TENM2: variants seen among roughly 807,000 people sequenced by gnomAD.
TENM2 encodes the protein teneurin-2.
In TENM2, 52 loss-of-function variants were observed where a neutral mutation model predicts 245.2. The observed-to-expected ratio is 0.21, with a 90% CI of 0.17 to 0.27. TENM2 has a LOEUF of 0.27. Ranked by LOEUF, TENM2 falls within the 10% of genes least tolerant of loss-of-function variation. TENM2 has a pLI of 1.00. For synonymous variants in TENM2, 1,363 were observed against 1,438.9 expected, an observed-to-expected ratio of 0.95 and a Z score of 1.19; for missense variants, 3,046 against 3,666.8, an observed-to-expected ratio of 0.83 and a Z score of 4.37.
intron 1 of TENM2, among the ~76,000 whole-genome samples, chr5:167,316,090 C>T (rs1415028893): frequency 6.6e-6 from 1 of 152,140 alleles, no homozygotes. Flanking sequence ...ATTCCATTCA[C>T]TCCCTGTTCT....
intron 1 of TENM2, among the ~76,000 whole-genome samples, chr5:167,291,515 A>G (rs1754634385): frequency 6.6e-6 from 1 of 152,202 alleles, no homozygotes; most frequent in Non-Finnish European, 1.5e-5. Context: ...ACATCACTGG[A>G]AAGAGTCCCT....
At chr5:167,632,203 G>A (rs933461073) in intron 2 of TENM2, among the ~76,000 whole-genome samples, 1 of 152,146 alleles carries the variant, frequency 6.6e-6, no homozygotes, top group Admixed American at 6.5e-5. Flanking sequence ...GCTTCCTGTT[G>A]AGTTGGGCTT....
intron 2 of TENM2, among the ~76,000 whole-genome samples, chr5:167,813,377 T>G (rs1766787035): frequency 6.8e-6 from 1 of 146,212 alleles, no homozygotes; most frequent in South Asian, 2.1e-4. Context: ...CTGAAGAGCT[T>G]ACAAGTTCTG....
intron 3 of TENM2, among the ~76,000 whole-genome samples, chr5:167,887,440 G>A (rs2151440746): frequency 6.6e-6 from 1 of 152,256 alleles, no homozygotes; most frequent in South Asian, 2.1e-4. Flanking sequence ...TTCAGATTTG[G>A]GCCTGTTGAC....
At chr5:167,896,058 A>G (rs1254353764) in intron 3 of TENM2, among the ~76,000 whole-genome samples, 1 of 152,240 alleles carries the variant, frequency 6.6e-6, no homozygotes, top group Non-Finnish European at 1.5e-5. Context: ...AAAAGCAAAC[A>G]GATGGTTGTG....
intron 18 of TENM2, 130 bp from the exon 21 acceptor site, chr5:168,204,242 T>A (rs1240423735): frequency 4.0e-6 from 4 of 990,252 alleles, no homozygotes; most frequent in Non-Finnish European, 5.8e-6. Context: ...CTCCACATTG[T>A]GAAGAAGTTG....
chr5:168,095,229 A>C (rs1793266440), intron 8 of TENM2, among the ~76,000 whole-genome samples: 1 of 152,148 alleles, frequency 6.6e-6, no homozygotes, highest in African/African-American at 2.4e-5. Flanking sequence ...CCCTGGTGGC[A>C]AAAAGGTTGG....
chr5:167,084,709 A>C, the TENM2 span, among the ~76,000 whole-genome samples: 1 of 152,028 alleles, frequency 6.6e-6, no homozygotes. Flanking sequence ...ATTTTCTGGC[A>C]CAACTCAGGG....
At chr5:168,082,050 T>C (rs1406637404) in intron 7 of TENM2, among the ~76,000 whole-genome samples, 2 of 152,224 alleles carry the variant, frequency 1.3e-5, no homozygotes, top group Non-Finnish European at 2.9e-5. Context: ...CCATTCTGCC[T>C]GTCACTTTCA....
intron 5 of TENM2, among the ~76,000 whole-genome samples, chr5:168,038,191 C>G (rs1254078549): frequency 6.6e-6 from 1 of 152,178 alleles, no homozygotes; most frequent in Admixed American, 6.5e-5. Flanking sequence ...CATTATATAT[C>G]TCATAAAATT....
the TENM2 span, among the ~76,000 whole-genome samples, chr5:167,129,479 T>C: frequency 6.6e-6 from 1 of 152,112 alleles, no homozygotes; most frequent in Non-Finnish European, 1.5e-5. Flanking sequence ...GCTGGAGTAA[T>C]CATGGAGGAA....
At chr5:167,035,619 A>C in the TENM2 span, among the ~76,000 whole-genome samples, 1 of 152,218 alleles carries the variant, frequency 6.6e-6, no homozygotes, top group African/African-American at 2.4e-5. Context: ...AAATGCTGTT[A>C]TTGAAGCTCA....
At chr5:168,253,595 G>T (rs913327359) in intron 27 of TENM2, among the ~76,000 whole-genome samples, 2 of 151,060 alleles carry the variant, frequency 1.3e-5, no homozygotes, top group South Asian at 2.1e-4. Context: ...CCGGCTAATT[G>T]TTTGTATTTT....
chr5:167,747,137 C>T (rs2150624092), intron 2 of TENM2, among the ~76,000 whole-genome samples: 1 of 152,250 alleles, frequency 6.6e-6, no homozygotes, highest in African/African-American at 2.4e-5. Context: ...TGATATTTAG[C>T]TTTGCATTAA....
intron 5 of TENM2, among the ~76,000 whole-genome samples, chr5:168,027,766 A>G (rs925834308): frequency 2.0e-5 from 3 of 152,148 alleles, no homozygotes; most frequent in Admixed American, 2.0e-4. Flanking sequence ...ATACATCTCT[A>G]TATATGTTTT....
intron 2 of TENM2, among the ~76,000 whole-genome samples, chr5:167,514,485 G>T (rs1235926352): frequency 2.0e-5 from 3 of 152,186 alleles, no homozygotes; most frequent in Admixed American, 1.3e-4. Context: ...GTCTTTCATG[G>T]TTCGAAACTT....
At chr5:168,070,496 T>G (rs149850620) in intron 7 of TENM2, among the ~76,000 whole-genome samples, 3 of 152,116 alleles carry the variant, frequency 2.0e-5, no homozygotes, top group African/African-American at 7.2e-5. Context: ...GAAAGTAAAC[T>G]TTAGGCCAGC....
chr5:167,123,725 C>T, the TENM2 span, among the ~76,000 whole-genome samples: 2 of 152,120 alleles, frequency 1.3e-5, no homozygotes, highest in African/African-American at 4.8e-5. Flanking sequence ...TTTTTTCCTC[C>T]TCAAAAGTAG....
At chr5:167,736,188 G>A (rs925283576) in intron 2 of TENM2, among the ~76,000 whole-genome samples, 1 of 152,088 alleles carries the variant, frequency 6.6e-6, no homozygotes, top group Non-Finnish European at 1.5e-5. Flanking sequence ...GAGGGGTGGG[G>A]AGAAAGCCCC....
Sources: allele counts gnomAD v4.1 joint callset (sites outside exome capture counted in the v4.1 genomes callset), GRCh38; gene constraint gnomAD v4.1.1; transcripts MANE v1.5; gene names NCBI Gene and HGNC (gene_info 2026-07-23, HGNC 2026-07-21).